The following RO60 variants were observed in gnomAD, a reference collection of about 807,000 sequenced individuals.
The protein encoded by RO60 is Ro60, Y RNA binding protein.
In RO60, 20 loss-of-function variants were observed where a neutral mutation model predicts 55.3. That is an observed-to-expected ratio of 0.36 (90% CI 0.25 to 0.53). RO60 has a LOEUF of 0.53. Among genes scored for constraint, RO60 ranks in the 20% least tolerant of loss-of-function variants. The pLI, the probability that RO60 is intolerant of heterozygous loss-of-function variation, is 0.92. For missense variants in RO60, 558 were observed against 646.6 expected (o/e 0.86, Z 1.49); for synonymous variants, 213 against 213.6 (o/e 1.00, Z 0.02).
intron 4 of RO60, 128 bp downstream of exon 4, chr1:193,076,775 CT>C (rs1673952358): frequency 7.5e-7 from 1 of 1,328,518 alleles, no homozygotes; most frequent in Non-Finnish European, 1.0e-6. Flanking sequence ...CATTATGGCT[CT>C]TAAGTGTAAG....
intron 5 of RO60, 73 bp downstream of exon 5, chr1:193,077,123 G>A (rs893219150): frequency 5.4e-5 from 76 of 1,404,948 alleles, no homozygotes; most frequent in Non-Finnish European, 3.5e-5. Context: ...CATTTTAAAG[G>A]TAGTATTAAT....
chr1:193,079,893 G>A (rs923564437), intron 5 of RO60, among the ~76,000 whole-genome samples: 2 of 151,354 alleles, frequency 1.3e-5, no homozygotes, highest in Admixed American at 1.3e-4. Context: ...TTGGGAGGCC[G>A]ATAAGGGTTG....
Position 193,089,812 on chromosome 1 carries a change from T to C in RO60, c.*5081T>C, listed in dbSNP as rs974687509. 3 of 150,646 alleles carry C rather than the reference T, an allele frequency of 2.0e-5. No homozygotes were observed. Among genetic ancestry groups the C allele is most frequent in the African/African-American group, 7.3e-5 (3 of 41,226 alleles). 9.3% of individuals were successfully genotyped at this position (150,646 alleles called of 1,614,324 possible). On this transcript the variant is annotated 3_prime_UTR_variant, in exon 9 of 9. Transcript: ENST00000400968. The stretch of plus-strand genomic sequence containing the variant: ...ATAAATGATATTTAACTTTTCTTTT[T>C]TTTTTTTTTTTTGAGACAGAGTCTC...
chr1:193,083,114 A>G (rs1181303458), intron 8 of RO60, among the ~76,000 whole-genome samples: 1 of 152,210 alleles, frequency 6.6e-6, no homozygotes, highest in Non-Finnish European at 1.5e-5. Context: ...TGTATCTTAT[A>G]TAGGAGCCAG....
In RO60 at chr1:193,065,345, A is replaced by G. The variant is rs767039728; in HGVS notation, c.-21-3689A>G. Among the ~76,000 whole-genome samples, 56 of 152,176 alleles carry G rather than the reference A, an allele frequency of 3.7e-4. 1 individual carries two copies. Among genetic ancestry groups the G allele is most frequent in the Admixed American group, 2.9e-3 (45 of 15,286 alleles). On this transcript the variant is annotated intron_variant, in intron 1 of 8. Transcript: ENST00000400968. ...GGAAAAGAATTTGAGGGGAGAGGGA[A>G]TTTTGAGGTTTGGTTTGGGACCTTT...
chr1:193,091,705 A>C (rs752744630), downstream of RO60: 8 of 1,604,246 alleles, frequency 5.0e-6, no homozygotes, highest in Non-Finnish European at 1.7e-6. Context: ...GCAGGTGGAC[A>C]CTGTGTGAAC....
At position 193,085,048 on chromosome 1, in the gene RO60, CA is replaced by C; in HGVS notation, c.*322del. On this transcript the variant is annotated 3_prime_UTR_variant, in exon 9 of 9. Coordinates refer to ENST00000400968, the MANE Select transcript of RO60 (RefSeq NM_001173524.2). ...CGTGTGTACCTAAAAGAGGTAAGAGCAAAAAGTGTAATTCCACATCATGTTA... is the reference window on the plus strand; with the variant it reads ...CGTGTGTACCTAAAAGAGGTAAGAGCAAAAGTGTAATTCCACATCATGTTA... The C allele has an allele frequency of 1.3e-6, 2 of 1,518,498 alleles. No homozygotes were observed. Among genetic ancestry groups the C allele is most frequent in the Non-Finnish European group, 8.8e-7 (1 of 1,138,042 alleles). 94.1% of individuals were successfully genotyped at this position (1,518,498 alleles called of 1,614,324 possible). A position where few individuals can be genotyped will look rare whatever the true frequency, so the allele number is the denominator to read the frequency against.
At chr1:193,067,379 G>A (rs1325218592) in intron 1 of RO60, among the ~76,000 whole-genome samples, 4 of 151,648 alleles carry the variant, frequency 2.6e-5, no homozygotes, top group Admixed American at 6.6e-5. Flanking sequence ...TAGTAGAGAC[G>A]GGGTTTCACC....
Position 193,059,976 on chromosome 1 carries a change from C to A in RO60, c.-22+200C>A, listed in dbSNP as rs766159439. ...GAACCAGCATCGCGGTAGGGACATC[C>A]TCGCTAGGCCCGGCCGGACCATTCC... On this transcript the variant is annotated intron_variant, in intron 1 of 8. Transcript: ENST00000400968. This position sits in a 1 kb window ranked among gnomAD's most constrained non-coding sequence, Gnocchi z 4.9. 1.5e-6 allele frequency: 2 copies of A among 1,366,414 alleles called. No homozygotes were observed. Among genetic ancestry groups the A allele is most frequent in the Admixed American group, 3.8e-5 (2 of 52,578 alleles). 84.6% of individuals were successfully genotyped at this position (1,366,414 alleles called of 1,614,324 possible).
intron 1 of RO60, among the ~76,000 whole-genome samples, chr1:193,062,373 G>A (rs1340176512): frequency 1.3e-5 from 2 of 152,106 alleles, no homozygotes; most frequent in Admixed American, 6.5e-5. Flanking sequence ...AAAATTGTAG[G>A]GCTAAATATA....
chr1:193,085,093 T>G lies in RO60; in HGVS notation c.*362T>G, dbSNP rs1429864737. Reference sequence around the variant, plus strand: ...CATGTTACTTGAGAAGTGCTTAACGTTTTCTTAAATGTTTTCATTGGGAAA... The same window carrying G: ...CATGTTACTTGAGAAGTGCTTAACGGTTTCTTAAATGTTTTCATTGGGAAA... On this transcript the variant is annotated 3_prime_UTR_variant, in exon 9 of 9. Transcript: ENST00000400968. 8.8e-6 allele frequency: 13 copies of G among 1,472,882 alleles called. No homozygotes were observed. The highest frequency in any genetic ancestry group is 1.4e-5 in the African/African-American group (1 of 70,852). 91.2% of individuals were successfully genotyped at this position (1,472,882 alleles called of 1,614,324 possible).
chr1:193,060,925 T>A (rs1672600592), intron 1 of RO60, among the ~76,000 whole-genome samples: 1 of 152,160 alleles, frequency 6.6e-6, no homozygotes, highest in South Asian at 2.1e-4. Flanking sequence ...GTAATATTGC[T>A]ATGAACTTGA....
In RO60 at chr1:193,061,359, A is replaced by G. The variant is rs898161479; in HGVS notation, c.-22+1583A>G. Among the ~76,000 whole-genome samples the G allele has an allele frequency of 1.3e-4, 20 of 152,166 alleles. 1 individual carries two copies. Among genetic ancestry groups the G allele is most frequent in the Admixed American group, 9.2e-4 (14 of 15,286 alleles). On this transcript the variant is annotated intron_variant, in intron 1 of 8. Transcript: ENST00000400968. ...TGTTGTTTCTTTACATTTGTCATGC[A>G]CTCTCATAGATATGTCAGCTTTGAC...
At chr1:193,080,846 C>T (rs1674257611) in intron 5 of RO60, among the ~76,000 whole-genome samples, 3 of 152,042 alleles carry the variant, frequency 2.0e-5, no homozygotes, top group African/African-American at 7.2e-5. Flanking sequence ...ATAGAAGTTG[C>T]CAGGGGCTAG....
chr1:193,085,098 T>C lies in RO60; in HGVS notation c.*367T>C. On this transcript the variant is annotated 3_prime_UTR_variant, in exon 9 of 9. Coordinates refer to ENST00000400968, the MANE Select transcript of RO60 (RefSeq NM_001173524.2). ...TACTTGAGAAGTGCTTAACGTTTTC[T>C]TAAATGTTTTCATTGGGAAAGGACA... 1 of 1,465,494 alleles carries C rather than the reference T, an allele frequency of 6.8e-7. No individual in the cohort carries two copies. The highest frequency in any genetic ancestry group is 1.8e-4 in the Middle Eastern group (1 of 5,618). 90.8% of individuals were successfully genotyped at this position (1,465,494 alleles called of 1,614,324 possible). A position where few individuals can be genotyped will look rare whatever the true frequency, so the allele number is the denominator to read the frequency against.
In RO60 at chr1:193,084,576, C is replaced by T. The variant is rs1445249345; in HGVS notation, c.1465-3C>T. 1 of 1,605,090 alleles carries T rather than the reference C, an allele frequency of 6.2e-7. No individual in the cohort carries two copies. The highest frequency in any genetic ancestry group is 8.5e-7 in the Non-Finnish European group (1 of 1,177,066). On this transcript the variant is annotated splice_region_variant and splice_polypyrimidine_tract_variant and intron_variant, in intron 8 of 8. Coordinates refer to ENST00000400968, the MANE Select transcript of RO60 (RefSeq NM_001173524.2). ...TAATATGTATTTTGGTCTTTTTCTACAGAAAATGGATATTCCAGCTAAATT... is the reference window on the plus strand; with the variant it reads ...TAATATGTATTTTGGTCTTTTTCTATAGAAAATGGATATTCCAGCTAAATT...
intron 1 of RO60, among the ~76,000 whole-genome samples, chr1:193,062,994 A>T (rs1672880884): frequency 6.6e-6 from 1 of 152,162 alleles, no homozygotes; most frequent in African/African-American, 2.4e-5. Flanking sequence ...TGATAAAAAC[A>T]TCTGGATACA....
chr1:193,080,056 A>G (rs1210862717), intron 5 of RO60, among the ~76,000 whole-genome samples: 1 of 151,986 alleles, frequency 6.6e-6, no homozygotes, highest in East Asian at 1.9e-4. Flanking sequence ...TCTTGAACCC[A>G]GGAGGTGGAG....
rs1486182919 is a variant in RO60, at chr1:193,084,975, CT to C, written c.*249del. On this transcript the variant is annotated 3_prime_UTR_variant, in exon 9 of 9. Transcript: ENST00000400968. Reference sequence around the variant, plus strand: ...GTAGTTTCCTCTATCTAATAGAGAACTTTTTGTTAACAGACACTGTAAAATA... The same window carrying C: ...GTAGTTTCCTCTATCTAATAGAGAACTTTTGTTAACAGACACTGTAAAATA... 1 of 1,544,144 alleles carries C rather than the reference CT, an allele frequency of 6.5e-7. No individual in the cohort carries two copies. Among genetic ancestry groups the C allele is most frequent in the East Asian group, 2.4e-5 (1 of 40,852 alleles).
Sources: allele counts gnomAD v4.1 joint callset (sites outside exome capture counted in the v4.1 genomes callset), GRCh38; gene constraint gnomAD v4.1.1; non-coding constraint Gnocchi (gnomAD v3.1); transcripts MANE v1.5; gene names NCBI Gene and HGNC (gene_info 2026-07-23, HGNC 2026-07-21).